Variants in ACBD5 observed in about 807,000 individuals in gnomAD.
ACBD5 encodes acyl-CoA binding domain containing 5.
ACBD5 carries 40 observed loss-of-function variants against 71.8 expected under a neutral mutation model. That is an observed-to-expected ratio of 0.56 (90% CI 0.43 to 0.72). ACBD5 has a LOEUF of 0.72. ACBD5 is among the 30% of genes least tolerant of loss of function. The probability of loss-of-function intolerance (pLI) is 0.00; values close to 1 mark genes in which losing one functional copy is unlikely to be tolerated. For missense variants in ACBD5, 559 were observed against 644.5 expected, an observed-to-expected ratio of 0.87 and a Z score of 1.44; for synonymous variants, 229 against 218.6, an observed-to-expected ratio of 1.05 and a Z score of -0.42.
At chr10:27,217,088 G>A (rs1160247563) in intron 7 of ACBD5, among the ~76,000 whole-genome samples, 8 of 143,020 alleles carry the variant, frequency 5.6e-5, no homozygotes, top group Non-Finnish European at 9.0e-5. Context: ...GGAGCTTGCA[G>A]TGAGCTGAGA....
At chr10:27,208,490 A>G (rs1251496239) in intron 9 of ACBD5, 45 bp from the exon 10 acceptor site, 2 of 1,587,660 alleles carry the variant, frequency 1.3e-6, no homozygotes, top group East Asian at 2.2e-5. Context: ...TAATTCTTAT[A>G]CAAGTAAAAC....
At chr10:27,187,531 C>T (rs187487295) in intron 13 of ACBD5, among the ~76,000 whole-genome samples, 2 of 152,194 alleles carry the variant, frequency 1.3e-5, no homozygotes, top group African/African-American at 4.8e-5. Flanking sequence ...GCAGGCAAGT[C>T]GCTTGAGGCC....
chr10:27,209,230 G>C (rs538560600), intron 9 of ACBD5, among the ~76,000 whole-genome samples: 1 of 152,074 alleles, frequency 6.6e-6, no homozygotes, highest in South Asian at 2.1e-4. Flanking sequence ...CCTGGCCCTG[G>C]AGACTACTTC....
At chr10:27,213,968 G>A (rs2061370430) in intron 8 of ACBD5, among the ~76,000 whole-genome samples, 2 of 152,072 alleles carry the variant, frequency 1.3e-5, no homozygotes, top group Non-Finnish European at 2.9e-5. Context: ...ACATATACAC[G>A]ACAGAGTACT....
chr10:27,228,913 G>A (rs1085781), intron 4 of ACBD5, among the ~76,000 whole-genome samples: 2,736 of 144,350 alleles, frequency 0.019, 30 homozygotes, highest in Non-Finnish European at 0.028. Context: ...CTGCCTCCCG[G>A]GTTCAAGCGA....
At chr10:27,188,036 G>A (rs956083250) in intron 13 of ACBD5, among the ~76,000 whole-genome samples, 1 of 152,162 alleles carries the variant, frequency 6.6e-6, no homozygotes, top group African/African-American at 2.4e-5. Context: ...TGCACATCGG[G>A]TTTAGTGTTT....
At chr10:27,212,775 G>C (rs971990113) in intron 8 of ACBD5, among the ~76,000 whole-genome samples, 1 of 152,022 alleles carries the variant, frequency 6.6e-6, no homozygotes, top group Non-Finnish European at 1.5e-5. Flanking sequence ...TCTGAAACTT[G>C]TGAGCTCAAG....
At position 27,197,115 on chromosome 10, in the gene ACBD5, T is replaced by C. The variant is rs1376534503; in HGVS notation, c.*315A>G. ...GCAGCTTATGTTACTCTATGGAAGA[T>C]AATCAGGTAAACATGTTACCAAATG... On this transcript the variant is annotated 3_prime_UTR_variant, in exon 13 of 13. Coordinates refer to ENST00000396271, the MANE Select transcript of ACBD5 (RefSeq NM_145698.5). 1 of 488,668 alleles carries C rather than the reference T, an allele frequency of 2.0e-6. No homozygotes were observed. Among genetic ancestry groups the C allele is most frequent in the Admixed American group, 2.7e-5 (1 of 37,238 alleles). The allele number at this position is 488,668 out of a possible 1,614,324, so 30.3% of individuals were successfully genotyped here.
intron 4 of ACBD5, among the ~76,000 whole-genome samples, chr10:27,229,426 A>G (rs1328580942): frequency 2.6e-5 from 4 of 151,848 alleles, no homozygotes; most frequent in African/African-American, 9.7e-5. Flanking sequence ...CCCCATCTCT[A>G]CTAAAAATAC....
chr10:27,190,054 A>G (rs1040545114), intron 13 of ACBD5, among the ~76,000 whole-genome samples: 2 of 152,104 alleles, frequency 1.3e-5, no homozygotes, highest in Non-Finnish European at 2.9e-5. Context: ...GGAGGCTGAG[A>G]CGAGTGGATC....
Position 27,240,615 on chromosome 10 carries a change from T to A in ACBD5, c.15+59A>T. Reference sequence around the variant, plus strand: ...TCGAAGCGGCCCGGCTCCTTCCTCCTCCCCCGGGGCGTGACTAAGGCCACG... The same window carrying A: ...TCGAAGCGGCCCGGCTCCTTCCTCCACCCCCGGGGCGTGACTAAGGCCACG... On this transcript the variant is annotated intron_variant, in intron 1 of 12. Coordinates refer to ENST00000396271, the MANE Select transcript of ACBD5 (RefSeq NM_145698.5). This position sits in a 1 kb window ranked among gnomAD's most constrained non-coding sequence, Gnocchi z 4.1. 1 of 1,550,206 alleles carries A rather than the reference T, an allele frequency of 6.5e-7. No homozygotes were observed. The highest frequency in any genetic ancestry group is 8.7e-7 in the Non-Finnish European group (1 of 1,146,748).
At chr10:27,192,917 C>T (rs1393444223), downstream of ACBD5, among the ~76,000 whole-genome samples, 3 of 150,698 alleles carry the variant, frequency 2.0e-5, no homozygotes, top group Non-Finnish European at 1.5e-5. Flanking sequence ...TGCAGTGAGA[C>T]GAGATCACAC....
intron 5 of ACBD5, among the ~76,000 whole-genome samples, chr10:27,222,278 T>A (rs1305033544): frequency 6.6e-6 from 1 of 152,166 alleles, no homozygotes; most frequent in Non-Finnish European, 1.5e-5. Context: ...TGGTCTCATT[T>A]CACTCTGCTT....
upstream of ACBD5, chr10:27,241,916 C>A (rs940506940): frequency 9.6e-5 from 38 of 395,336 alleles, no homozygotes; most frequent in African/African-American, 4.3e-4. Context: ...GGGGTGGAGT[C>A]CTGTAGCCCG....
chr10:27,190,322 T>C (rs1267582311), downstream of ACBD5, among the ~76,000 whole-genome samples: 1 of 94,028 alleles, frequency 1.1e-5, no homozygotes, highest in Non-Finnish European at 2.5e-5. Context: ...CCCACCCCCA[T>C]TAAATGTTAA....
chr10:27,227,009 ATTTTTTTT>A (rs56406048), intron 4 of ACBD5, among the ~76,000 whole-genome samples: 1 of 78,392 alleles, frequency 1.3e-5, no homozygotes, highest in Non-Finnish European at 2.2e-5. Context: ...TTTTTTTGCG[ATTTTTTTT>A]TTTTTTTTTT....
intron 10 of ACBD5, among the ~76,000 whole-genome samples, chr10:27,206,321 A>C (rs1212271859): frequency 6.6e-6 from 1 of 152,168 alleles, no homozygotes; most frequent in Non-Finnish European, 1.5e-5. Flanking sequence ...TAAAAAAAAA[A>C]AAACATAGAG....
chr10:27,241,502 A>G (rs1012668641), upstream of ACBD5, among the ~76,000 whole-genome samples: 5 of 151,958 alleles, frequency 3.3e-5, no homozygotes, highest in African/African-American at 1.2e-4. Flanking sequence ...ACGGAGGGCA[A>G]CTTCCCCTAC....
chr10:27,197,195 C>T lies in ACBD5; in HGVS notation c.*235G>A, dbSNP rs1199668360. The T allele has an allele frequency of 4.9e-6, 3 of 610,440 alleles. No individual in the cohort carries two copies. Among genetic ancestry groups the T allele is most frequent in the African/African-American group, 1.9e-5 (1 of 53,856 alleles). The allele number at this position is 610,440 out of a possible 1,614,324, so 37.8% of individuals were successfully genotyped here. The stretch of plus-strand genomic sequence containing the variant: ...CAAGGGCAGGGTAAATCTGTGTATA[C>T]TACTTATAACCTAGTAGAGATTGAT... On this transcript the variant is annotated 3_prime_UTR_variant, in exon 13 of 13. Transcript: ENST00000396271.
Sources: allele counts gnomAD v4.1 joint callset (sites outside exome capture counted in the v4.1 genomes callset), GRCh38; gene constraint gnomAD v4.1.1; non-coding constraint Gnocchi (gnomAD v3.1); transcripts MANE v1.5; gene names NCBI Gene and HGNC (gene_info 2026-07-23, HGNC 2026-07-21).